Variants in RBM27 observed in about 807,000 individuals in gnomAD.
RBM27 encodes RNA binding motif protein 27, also known as RNA-binding protein 27.
A neutral mutation model predicts 135.3 loss-of-function variants in RBM27; 22 were observed. The ratio of observed to expected loss-of-function variants is 0.16; its 90% CI spans 0.12 to 0.23. The LOEUF (loss-of-function observed/expected upper bound fraction) is 0.23, where lower values mean the gene tolerates loss of function less well. RBM27 is among the 10% of genes least tolerant of loss of function. The pLI is 1.00. For synonymous variants in RBM27, 481 were observed against 442.4 expected, an observed-to-expected ratio of 1.09 and a Z score of -1.10; for missense variants, 1,009 against 1,281.0, an observed-to-expected ratio of 0.79 and a Z score of 3.24.
chr5:146,233,558 C>T lies in RBM27; in HGVS notation c.959C>T (p.Pro320Leu). Residue 320 changes from proline to leucine, a missense_variant, in exon 7 of 21, where the codon CCT becomes CTT. Physicochemically the swap from Pro to Leu is moderately conservative, Grantham distance 98. Coordinates refer to ENST00000265271, the MANE Select transcript of RBM27 (RefSeq NM_018989.2). ...AGTATGATTCCTTTCCCACCCCCTC[C>T]TCCTGGGCTTCCTCCTCCACCACCT... is the stretch of plus-strand genomic sequence containing the variant. Reference protein sequence around the residue: ...LPSMIPFPPPPPGLPPPPPPG... With the variant: ...LPSMIPFPPPLPGLPPPPPPG... 6.2e-7 allele frequency: 1 copy of T among 1,613,386 alleles called. No homozygotes were observed. Among genetic ancestry groups the T allele is most frequent in the Non-Finnish European group, 8.5e-7 (1 of 1,179,782 alleles).
chr5:146,238,113 C>G (rs1757246548), intron 8 of RBM27, among the ~76,000 whole-genome samples: 2 of 152,046 alleles, frequency 1.3e-5, no homozygotes, highest in Non-Finnish European at 2.9e-5. Context: ...GTTAATTATG[C>G]CTAATAATTA....
At chr5:146,211,160 G>A (rs780916323) in intron 1 of RBM27, among the ~76,000 whole-genome samples, 5 of 151,698 alleles carry the variant, frequency 3.3e-5, no homozygotes, top group African/African-American at 9.7e-5. Context: ...CACACCTGTC[G>A]TCCTACCTAC....
intron 3 of RBM27, among the ~76,000 whole-genome samples, chr5:146,228,278 CTTTCTTTTT>C (rs1756763635): frequency 8.6e-6 from 1 of 116,860 alleles, no homozygotes; most frequent in African/African-American, 3.5e-5. Context: ...AGGGACCATT[CTTTCTTTTT>C]TTTTTTTTTT....
rs925691852 is a variant in RBM27, at chr5:146,271,368, C to G, written c.2797-115C>G. The G allele has an allele frequency of 1.9e-5, 19 of 989,028 alleles. No individual in the cohort carries two copies. In the East Asian group the frequency reaches 2.1e-4, roughly 11 times the overall value. 61.3% of individuals were successfully genotyped at this position (989,028 alleles called of 1,614,324 possible). On this transcript the variant is annotated intron_variant, in intron 18 of 20. Coordinates refer to ENST00000265271, the MANE Select transcript of RBM27 (RefSeq NM_018989.2). The stretch of plus-strand genomic sequence containing the variant: ...TGAGCCGAGATCGTGCCATTGCACT[C>G]GAGCCTAGGCAACGAGAGTGAAATT...
rs946889558 is a variant in RBM27 at position 146,267,892 on chromosome 5, T to G, written c.2451+124T>G. 28 of 983,774 alleles carry G rather than the reference T, an allele frequency of 2.8e-5. No homozygotes were observed. The African/African-American group carries it at 4.8e-4, about 17-fold the overall frequency. 60.9% of individuals were successfully genotyped at this position (983,774 alleles called of 1,614,324 possible). A position where few individuals can be genotyped will look rare whatever the true frequency, so the allele number is the denominator to read the frequency against. ...ATAACATCATAATGCTTATTTAGCT[T>G]CTTCTCTAATGTAAACTTGGAAAAA... is the stretch of plus-strand genomic sequence containing the variant. On this transcript the variant is annotated intron_variant, in intron 15 of 20. Transcript: ENST00000265271.
intron 11 of RBM27, among the ~76,000 whole-genome samples, chr5:146,259,018 C>G (rs1758246411): frequency 6.6e-6 from 1 of 151,976 alleles, no homozygotes; most frequent in Non-Finnish European, 1.5e-5. Flanking sequence ...ACCTTGGCCT[C>G]CCAAGGTGCT....
At chr5:146,265,772 G>A (rs578059032) in intron 14 of RBM27, among the ~76,000 whole-genome samples, 1 of 152,146 alleles carries the variant, frequency 6.6e-6, no homozygotes, top group Non-Finnish European at 1.5e-5. Context: ...AGCATTGTAG[G>A]GTAAATCAAA....
chr5:146,218,375 T>C (rs898079295), intron 1 of RBM27, among the ~76,000 whole-genome samples: 2 of 152,226 alleles, frequency 1.3e-5, no homozygotes, highest in Non-Finnish European at 2.9e-5. Context: ...CTCTTTTCCT[T>C]TCTGTTTCTA....
intron 8 of RBM27, among the ~76,000 whole-genome samples, chr5:146,240,138 A>T (rs950976260): frequency 6.6e-6 from 1 of 151,720 alleles, no homozygotes; most frequent in African/African-American, 2.4e-5. Context: ...ATTCCTCAAC[A>T]TGCATCTTCT....
chr5:146,233,666 G>A lies in RBM27; in HGVS notation c.1067G>A (p.Gly356Asp). 3 of 1,555,814 alleles carry A rather than the reference G, an allele frequency of 1.9e-6. No homozygotes were observed. The highest frequency in any genetic ancestry group is 1.2e-5 in the South Asian group (1 of 82,012). The change falls in exon 7 of 21, where the codon GGT becomes GAT. Residue 356 changes from glycine (G) to aspartate (D), a missense_variant. Gly to Asp is a moderately conservative substitution (Grantham distance 94, BLOSUM62 -1). This residue lies in a region of RBM27 where 329 missense variants were observed against 368.1 expected (regional missense o/e 0.89). Transcript: ENST00000265271. ...GGCCCAGGCCCGGGCCCAGGTCCAG[G>A]TCCTGGCCATAGTATGAGACTTCCT... ...GPGPGPGPGP[G>D]PGHSMRLPVP...
At chr5:146,263,432 A>G in intron 13 of RBM27, 59 bp from the exon 14 acceptor site, 2 of 1,508,392 alleles carry the variant, frequency 1.3e-6, no homozygotes, top group Non-Finnish European at 1.8e-6. Context: ...TTAAATTTGT[A>G]CCATTTCTAG....
Position 146,258,547 on chromosome 5 carries a change from A to G in RBM27, c.1693A>G (p.Met565Val), listed in dbSNP as rs1356850358. 2 of 1,593,052 alleles carry G rather than the reference A, an allele frequency of 1.3e-6. No individual in the cohort carries two copies. Among genetic ancestry groups the G allele is most frequent in the Admixed American group, 1.7e-5 (1 of 57,226 alleles). ...VLEPDSRKRA[M>V]SGLEGPLTKK... ...TGAACCAGATAGTCGAAAAAGAGCT[A>G]TGAGTGGTTTGGAAGGGCCACTCAC... Residue 565 changes from methionine to valine, a missense_variant, in exon 11 of 21, where the codon ATG becomes GTG. Around this residue, in one of 6 missense-constraint regions of RBM27, gnomAD observed 329 missense variants for 368.1 expected, o/e 0.89. Transcript: ENST00000265271.
At chr5:146,242,988 G>A (rs1365952399) in intron 8 of RBM27, among the ~76,000 whole-genome samples, 1 of 152,006 alleles carries the variant, frequency 6.6e-6, no homozygotes, top group Non-Finnish European at 1.5e-5. Context: ...CTTTTGGGCT[G>A]GGCATGGTGG....
At chr5:146,270,678 GAC>G (rs894914706) in intron 17 of RBM27, among the ~76,000 whole-genome samples, 3 of 152,104 alleles carry the variant, frequency 2.0e-5, no homozygotes, top group African/African-American at 7.2e-5. Context: ...TTTATTATGT[GAC>G]AGTTATTCTC....
At chr5:146,245,856 AC>A (rs1757603341) in intron 8 of RBM27, among the ~76,000 whole-genome samples, 1 of 151,848 alleles carries the variant, frequency 6.6e-6, no homozygotes, top group Admixed American at 6.6e-5. Context: ...ACCTCCACTC[AC>A]CCCTGCCATT....
At position 146,225,553 on chromosome 5, in the gene RBM27, T is replaced by A. The variant is rs1042683718; in HGVS notation, c.303+2026T>A. The stretch of plus-strand genomic sequence containing the variant: ...CTGGAAATAGGAAGAAGCCTTTCTG[T>A]TTTTTACCTTTCTGTTTTTTTTTTT... On this transcript the variant is annotated intron_variant, in intron 3 of 20. Coordinates refer to ENST00000265271, the MANE Select transcript of RBM27 (RefSeq NM_018989.2). Among the ~76,000 whole-genome samples, 3 of 150,664 alleles carry A rather than the reference T, an allele frequency of 2.0e-5. No individual in the cohort carries two copies. In the Admixed American group the frequency reaches 2.0e-4, roughly 10 times the overall value.
At chr5:146,273,538 G>A (rs904403725) in intron 19 of RBM27, among the ~76,000 whole-genome samples, 1 of 152,058 alleles carries the variant, frequency 6.6e-6, no homozygotes, top group Non-Finnish European at 1.5e-5. Context: ...TATCAGAAAG[G>A]GTATTGAGTA....
intron 8 of RBM27, 76 bp from the exon 9 acceptor site, chr5:146,251,635 C>A: frequency 7.1e-7 from 1 of 1,399,780 alleles, no homozygotes; most frequent in Admixed American, 1.9e-5. Context: ...GGCTCAAAGT[C>A]TCAGGAAACA....
At chr5:146,256,683 A>G (rs761416012) in intron 10 of RBM27, among the ~76,000 whole-genome samples, 1 of 151,968 alleles carries the variant, frequency 6.6e-6, no homozygotes, top group Non-Finnish European at 1.5e-5. Context: ...TCATATTTCT[A>G]TTTTTATTCT....
Sources: gnomAD v4.1 joint callset for allele counts (sites outside exome capture counted in the v4.1 genomes callset) on GRCh38, gnomAD v4.1.1 for gene constraint, gnomAD v4.1.1 regional missense constraint, MANE v1.5 for transcripts, NCBI Gene and HGNC (gene_info 2026-07-23, HGNC 2026-07-21) for gene names.